The following SEMA5A variants were observed in gnomAD, a reference collection of about 807,000 sequenced individuals.
SEMA5A encodes the protein semaphorin 5A.
SEMA5A carries 55 observed loss-of-function variants against 135.5 expected under a neutral mutation model. That is an observed-to-expected ratio of 0.41 (90% CI 0.33 to 0.51). The LOEUF (loss-of-function observed/expected upper bound fraction) is 0.51, where lower values mean the gene tolerates loss of function less well. Ranked by LOEUF, SEMA5A falls within the 20% of genes least tolerant of loss-of-function variation. The pLI is 0.37. For missense variants in SEMA5A, 1,290 were observed against 1,419.9 expected (o/e 0.91, Z 1.47); for synonymous variants, 580 against 546.5 (o/e 1.06, Z -0.85).
chr5:9,241,642 C>A (rs1203823554), intron 5 of SEMA5A, among the ~76,000 whole-genome samples: 2 of 151,532 alleles, frequency 1.3e-5, no homozygotes, highest in African/African-American at 2.4e-5. Flanking sequence ...TGCAACAAAG[C>A]CCCCATTGTT....
At chr5:9,115,273 G>C (rs1740452493) in intron 15 of SEMA5A, among the ~76,000 whole-genome samples, 1 of 152,178 alleles carries the variant, frequency 6.6e-6, no homozygotes, top group African/African-American at 2.4e-5. Flanking sequence ...ACAAGCACGT[G>C]CTCTCTTCAA....
At chr5:9,047,295 A>G (rs906577895) in intron 21 of SEMA5A, among the ~76,000 whole-genome samples, 1 of 152,226 alleles carries the variant, frequency 6.6e-6, no homozygotes, top group Non-Finnish European at 1.5e-5. Flanking sequence ...TCATTAGTCA[A>G]ATGAATCATT....
chr5:9,297,360 G>A (rs1751389769), intron 5 of SEMA5A, among the ~76,000 whole-genome samples: 1 of 151,940 alleles, frequency 6.6e-6, no homozygotes, highest in Non-Finnish European at 1.5e-5. Flanking sequence ...AACCTCTCAA[G>A]GCCTGCAGGT....
intron 11 of SEMA5A, among the ~76,000 whole-genome samples, chr5:9,156,170 C>T (rs1199364944): frequency 6.6e-6 from 1 of 152,160 alleles, no homozygotes; most frequent in African/African-American, 2.4e-5. Context: ...TTAGCAAATT[C>T]ACAGTTCACA....
At chr5:9,121,577 A>G (rs573095769) in intron 14 of SEMA5A, among the ~76,000 whole-genome samples, 20 of 152,338 alleles carry the variant, frequency 1.3e-4, no homozygotes, top group African/African-American at 4.6e-4. Flanking sequence ...TCTTCAAACA[A>G]CAGCAGTTTG....
chr5:9,432,301 T>C (rs2126658873), intron 2 of SEMA5A, among the ~76,000 whole-genome samples: 1 of 152,274 alleles, frequency 6.6e-6, no homozygotes, highest in East Asian at 1.9e-4. Context: ...GGCTAAACCT[T>C]TATCCCAAAT....
chr5:9,172,090 C>T lies in SEMA5A; in HGVS notation c.1274-17395G>A, dbSNP rs116676454. 6.6e-3 allele frequency among the ~76,000 whole-genome samples: 1,011 copies of T among 152,214 alleles called. 4 individuals carry two copies. The highest frequency in any genetic ancestry group is 0.023 in the African/African-American group (964 of 41,526). Reference sequence around the variant, plus strand: ...CTCCAAGGCTGGAAAACTCCAGAATCTAGGGAACTAGAAGTGCAGGTTAAG... The same window carrying T: ...CTCCAAGGCTGGAAAACTCCAGAATTTAGGGAACTAGAAGTGCAGGTTAAG... On this transcript the variant is annotated intron_variant, in intron 11 of 22. Transcript: ENST00000382496.
intron 1 of SEMA5A, chr5:9,516,618 G>A (rs560251574): frequency 3.3e-5 from 5 of 152,336 alleles, no homozygotes; most frequent in East Asian, 1.9e-4. Flanking sequence ...GAAAGGGGTT[G>A]ACCATTTACA....
intron 3 of SEMA5A, among the ~76,000 whole-genome samples, chr5:9,355,418 C>T (rs909398141): frequency 2.0e-5 from 3 of 151,962 alleles, no homozygotes; most frequent in African/African-American, 7.3e-5. Context: ...GGAAAGGAGG[C>T]AGATATGGGA....
intron 11 of SEMA5A, among the ~76,000 whole-genome samples, chr5:9,161,562 A>G (rs55713588): frequency 0.036 from 5,471 of 152,044 alleles, 270 homozygotes; most frequent in East Asian, 0.12. Context: ...TGTATTTTAT[A>G]CTTATAGTCC....
intron 12 of SEMA5A, among the ~76,000 whole-genome samples, chr5:9,141,858 A>T (rs1742083772): frequency 6.6e-6 from 1 of 152,230 alleles, no homozygotes. Context: ...AGTATCAGTG[A>T]TGACTTTATC....
chr5:9,048,529 A>T (rs1736393726), intron 21 of SEMA5A, among the ~76,000 whole-genome samples: 2 of 151,872 alleles, frequency 1.3e-5, no homozygotes, highest in Non-Finnish European at 2.9e-5. Context: ...TTTTTTCAAC[A>T]TCTCACAGCA....
intron 5 of SEMA5A, among the ~76,000 whole-genome samples, chr5:9,276,961 T>A (rs748158174): frequency 6.6e-6 from 1 of 151,720 alleles, no homozygotes; most frequent in Non-Finnish European, 1.5e-5. Context: ...AAGAGACAAA[T>A]GGGATCTAAT....
At chr5:9,403,605 T>C (rs1435110627) in intron 2 of SEMA5A, among the ~76,000 whole-genome samples, 1 of 152,172 alleles carries the variant, frequency 6.6e-6, no homozygotes, top group African/African-American at 2.4e-5. Flanking sequence ...CTGACTAGCA[T>C]ACAATGATTA....
rs1736762045 is a variant in SEMA5A, at chr5:9,054,209, G to C, written c.2567C>G (p.Thr856Arg). The C allele has an allele frequency of 6.2e-7, 1 of 1,613,932 alleles. No homozygotes were observed. The highest frequency in any genetic ancestry group is 1.3e-5 in the African/African-American group (1 of 74,904). Residue 856 changes from threonine to arginine, a missense_variant, in exon 19 of 23, where the codon ACA becomes AGA. Coordinates refer to ENST00000382496, the MANE Select transcript of SEMA5A (RefSeq NM_003966.3). ...CCTCATATAGTGTCCACCGCCGCAT[G>C]TTGCTGAACATTTTGTCCAGGGGGA... ...CWSPWTKCSA[T>R]CGGGHYMRTR... is the part of the protein sequence containing the mutation.
intron 15 of SEMA5A, among the ~76,000 whole-genome samples, chr5:9,110,914 A>G (rs1740205629): frequency 6.6e-6 from 1 of 152,158 alleles, no homozygotes; most frequent in African/African-American, 2.4e-5. Context: ...GGACCTTCTA[A>G]TTAAGAGATC....
intron 8 of SEMA5A, among the ~76,000 whole-genome samples, chr5:9,205,825 A>C (rs997544325): frequency 1.3e-5 from 2 of 152,190 alleles, no homozygotes; most frequent in Non-Finnish European, 2.9e-5. Flanking sequence ...ATGAGGGTGG[A>C]CCCCTGACTG....
At chr5:9,122,974 G>A in intron 13 of SEMA5A, 137 bp from the exon 14 acceptor site, 1 of 768,604 alleles carries the variant, frequency 1.3e-6, no homozygotes, top group Non-Finnish European at 2.0e-6. Flanking sequence ...TTAGAAAAAG[G>A]GCCAGGCGCG....
intron 20 of SEMA5A, among the ~76,000 whole-genome samples, chr5:9,050,768 C>A (rs890455195): frequency 6.6e-6 from 1 of 152,318 alleles, no homozygotes; most frequent in East Asian, 1.9e-4. Context: ...CCGGGGGGAT[C>A]CCCCCACTCT....
Sources: gnomAD v4.1 joint callset for allele counts (sites outside exome capture counted in the v4.1 genomes callset) on GRCh38, gnomAD v4.1.1 for gene constraint, MANE v1.5 for transcripts, NCBI Gene and HGNC (gene_info 2026-07-23, HGNC 2026-07-21) for gene names.